Variants in BIRC6 observed in about 807,000 individuals in gnomAD.
The protein encoded by BIRC6 is dual E2 ubiquitin-conjugating enzyme/E3 ubiquitin-protein ligase BIRC6.
Under a neutral mutation model 503.3 loss-of-function variants are expected in BIRC6, and 98 were observed. The ratio of observed to expected loss-of-function variants is 0.19; its 90% CI spans 0.17 to 0.23. The LOEUF (loss-of-function observed/expected upper bound fraction) is 0.23. Among genes scored for constraint, BIRC6 ranks in the 10% least tolerant of loss-of-function variants. The probability of loss-of-function intolerance (pLI) is 1.00; values close to 1 mark genes in which losing one functional copy is unlikely to be tolerated. For synonymous variants in BIRC6, 2,240 were observed against 2,078.7 expected (o/e 1.08, Z -2.11); for missense variants, 5,360 against 5,806.0 (o/e 0.92, Z 2.50).
chr2:32,478,162 AC>A (rs575194177), intron 35 of BIRC6, among the ~76,000 whole-genome samples: 108 of 151,786 alleles, frequency 7.1e-4, no homozygotes, highest in South Asian at 2.5e-3. Context: ...CATGGTGAAA[AC>A]CCGTCCTTAC....
intron 38 of BIRC6, 104 bp downstream of exon 38, chr2:32,481,557 G>A: frequency 3.2e-6 from 3 of 930,842 alleles, no homozygotes; most frequent in Non-Finnish European, 4.5e-6. Flanking sequence ...ACAAGGTCAA[G>A]AGATCAAGAC....
intron 23 of BIRC6, among the ~76,000 whole-genome samples, chr2:32,461,523 G>A (rs2148829135): frequency 6.6e-6 from 1 of 151,584 alleles, no homozygotes; most frequent in East Asian, 2.0e-4. Context: ...CATTGACCAA[G>A]CTTACAATGT....
At chr2:32,547,458 A>G (rs2058127951) in intron 63 of BIRC6, among the ~76,000 whole-genome samples, 1 of 152,152 alleles carries the variant, frequency 6.6e-6, no homozygotes, top group Admixed American at 6.5e-5. Context: ...TGAATCATGT[A>G]ATGTGTTGTT....
chr2:32,503,973 T>G (rs2149496877), intron 49 of BIRC6, among the ~76,000 whole-genome samples: 1 of 139,760 alleles, frequency 7.2e-6, no homozygotes, highest in South Asian at 2.2e-4. Flanking sequence ...TGCCTCAGCC[T>G]CCTGAGTAGC....
At chr2:32,598,577 T>C (rs181013934) in intron 69 of BIRC6, among the ~76,000 whole-genome samples, 3 of 152,164 alleles carry the variant, frequency 2.0e-5, no homozygotes, top group African/African-American at 7.2e-5. Context: ...ATTCCAAGAG[T>C]CTGCTGCATC....
At chr2:32,610,810 CCAG>C (rs2062818025) in intron 72 of BIRC6, among the ~76,000 whole-genome samples, 1 of 152,102 alleles carries the variant, frequency 6.6e-6, no homozygotes, top group Non-Finnish European at 1.5e-5. Context: ...GCTCTGTCGC[CCAG>C]GCTGGAGTGC....
chr2:32,576,732 G>A (rs949238177), intron 66 of BIRC6, among the ~76,000 whole-genome samples: 2 of 152,096 alleles, frequency 1.3e-5, no homozygotes, highest in East Asian at 3.9e-4. Context: ...TTGGCTTAAT[G>A]TGTTGTCATT....
intron 40 of BIRC6, 106 bp downstream of exon 40, chr2:32,485,865 C>G: frequency 1.4e-6 from 1 of 720,818 alleles, no homozygotes; most frequent in African/African-American, 1.8e-5. Flanking sequence ...TGATGTGAGT[C>G]TGAGGGGACT....
At chr2:32,510,762 A>G (rs1440255366) in intron 53 of BIRC6, 128 bp downstream of exon 53, 2 of 636,212 alleles carry the variant, frequency 3.1e-6, no homozygotes, top group Admixed American at 2.7e-5. Flanking sequence ...TATGTTTACC[A>G]TATGCCTCAC....
At chr2:32,512,805 A>C (rs2054579521) in intron 53 of BIRC6, 128 bp from the exon 54 acceptor site, 1 of 697,886 alleles carries the variant, frequency 1.4e-6, no homozygotes, top group Non-Finnish European at 2.4e-6. Context: ...TTAGATTAAA[A>C]TAATCAAAAA....
At chr2:32,417,242 G>A (rs1274867025) in intron 10 of BIRC6, among the ~76,000 whole-genome samples, 2 of 152,116 alleles carry the variant, frequency 1.3e-5, no homozygotes, top group African/African-American at 4.8e-5. Flanking sequence ...TAGTCCTCTC[G>A]CCTTGGTCTC....
At chr2:32,482,389 A>C (rs2050506428) in intron 38 of BIRC6, 40 bp from the exon 39 acceptor site, 2 of 1,593,200 alleles carry the variant, frequency 1.3e-6, no homozygotes, top group East Asian at 4.5e-5. Flanking sequence ...TTCAGCCAAG[A>C]GGCAAAAATA....
chr2:32,592,641 G>C (rs922296916), intron 66 of BIRC6, among the ~76,000 whole-genome samples: 4 of 151,856 alleles, frequency 2.6e-5, no homozygotes, highest in Admixed American at 2.6e-4. Flanking sequence ...TGTTGCCCAG[G>C]CTGGAGTGTA....
intron 9 of BIRC6, 60 bp downstream of exon 9, chr2:32,406,617 C>A: frequency 9.0e-7 from 1 of 1,110,034 alleles, no homozygotes; most frequent in South Asian, 1.4e-5. Flanking sequence ...GTGCATACAG[C>A]TAACTACCAC....
intron 26 of BIRC6, among the ~76,000 whole-genome samples, chr2:32,467,149 T>C (rs1346783176): frequency 6.7e-6 from 1 of 150,266 alleles, no homozygotes; most frequent in Middle Eastern, 3.2e-3. Context: ...GGGGTTTCGC[T>C]GTATTGCCCA....
At chr2:32,600,123 G>A (rs79015808) in intron 70 of BIRC6, among the ~76,000 whole-genome samples, 5,207 of 152,232 alleles carry the variant, frequency 0.034, 137 homozygotes, top group African/African-American at 0.074. Flanking sequence ...GAAGTTACTC[G>A]GGGACTTAAC....
At chr2:32,537,504 C>CA (rs201967548) in intron 61 of BIRC6, among the ~76,000 whole-genome samples, 2,690 of 151,958 alleles carry the variant, frequency 0.018, 95 homozygotes, top group African/African-American at 0.062. Flanking sequence ...ACAAAATAAG[C>CA]AAAAAAATCT....
chr2:32,486,039 T>A (rs1217996970), intron 40 of BIRC6, among the ~76,000 whole-genome samples: 1 of 152,230 alleles, frequency 6.6e-6, no homozygotes, highest in Admixed American at 6.5e-5. Context: ...GTAAGGTTAA[T>A]AAAATTCCTA....
intron 20 of BIRC6, among the ~76,000 whole-genome samples, chr2:32,444,593 C>T (rs1411578690): frequency 6.6e-6 from 1 of 152,048 alleles, no homozygotes; most frequent in African/African-American, 2.4e-5. Flanking sequence ...TATTAAAAAA[C>T]AAACCATTCA....
Sources: gnomAD v4.1 joint callset for allele counts (sites outside exome capture counted in the v4.1 genomes callset) on GRCh38, gnomAD v4.1.1 for gene constraint, MANE v1.5 for transcripts, NCBI Gene and HGNC (gene_info 2026-07-23, HGNC 2026-07-21) for gene names.